LARGE1: variants seen among roughly 807,000 people sequenced by gnomAD.
LARGE1 encodes LARGE xylosyl- and glucuronyltransferase 1, also known as xylosyl- and glucuronyltransferase LARGE1.
A neutral mutation model predicts 87.6 loss-of-function variants in LARGE1; 43 were observed. That is an observed-to-expected ratio of 0.49 (90% CI 0.38 to 0.63). The LOEUF is 0.63. LARGE1 is among the 30% of genes least tolerant of loss of function. The pLI, the probability that LARGE1 is intolerant of heterozygous loss-of-function variation, is 0.00. For synonymous variants in LARGE1, 434 were observed against 394.6 expected (o/e 1.10, Z -1.18); for missense variants, 802 against 1,000.2 (o/e 0.80, Z 2.67).
At chr22:33,290,627 G>C (rs1214904899) in intron 12 of LARGE1, among the ~76,000 whole-genome samples, 1 of 152,200 alleles carries the variant, frequency 6.6e-6, no homozygotes, top group African/African-American at 2.4e-5. Context: ...AATGAGATGA[G>C]AGCTGGGGGC....
At chr22:33,767,896 A>T (rs2145789026) in intron 1 of LARGE1, among the ~76,000 whole-genome samples, 1 of 152,234 alleles carries the variant, frequency 6.6e-6, no homozygotes, top group East Asian at 1.9e-4. Context: ...TTCTAACTAG[A>T]AGATTGCCTG....
intron 5 of LARGE1, among the ~76,000 whole-genome samples, chr22:33,585,436 T>G (rs528480150): frequency 6.6e-6 from 1 of 152,124 alleles, no homozygotes; most frequent in Admixed American, 6.5e-5. Flanking sequence ...TGAGACACCA[T>G]CTTGGCCAAT....
chr22:33,174,874 C>T (rs775944867), intron 11 of LARGE1, among the ~76,000 whole-genome samples: 4 of 150,728 alleles, frequency 2.7e-5, no homozygotes, highest in African/African-American at 7.3e-5. Flanking sequence ...AAAAAATGTC[C>T]GGATTCACAG....
At chr22:33,515,634 C>T (rs1201520666) in intron 6 of LARGE1, among the ~76,000 whole-genome samples, 3 of 152,094 alleles carry the variant, frequency 2.0e-5, no homozygotes, top group African/African-American at 7.2e-5. Context: ...GAAAAGCTAC[C>T]CCAGAAACCC....
At position 33,277,189 on chromosome 22, in the gene LARGE1, A is replaced by G; in HGVS notation, c.1944T>C (p.Pro648=). 6.2e-7 allele frequency: 1 copy of G among 1,614,226 alleles called. No homozygotes were observed. The highest frequency in any genetic ancestry group is 8.5e-7 in the Non-Finnish European group (1 of 1,180,042). Residue 648 remains proline, a synonymous_variant, in exon 14 of 15, where the codon CCT becomes CCC. Coordinates refer to ENST00000397394, the MANE Select transcript of LARGE1 (RefSeq NM_133642.5). The part of the protein sequence containing the change: ...NFAKWRTATT[P]YRVEWEADFE... ...AATCGGCCTCCCACTCAACCCGGTA[A>G]GGCGTGGTGGCGGTCCGCCACTTGG...
intron 2 of LARGE1, among the ~76,000 whole-genome samples, chr22:33,669,005 A>C (rs1044797213): frequency 2.0e-5 from 3 of 152,196 alleles, no homozygotes; most frequent in African/African-American, 4.8e-5. Flanking sequence ...CATTTCAGCC[A>C]ACCTTGAGTC....
At position 33,334,114 on chromosome 22, in the gene LARGE1, T is replaced by C. The variant is rs75497629; in HGVS notation, c.1287+3532A>G. Among the ~76,000 whole-genome samples the C allele has an allele frequency of 7.0e-5, 10 of 143,824 alleles. No individual in the cohort carries two copies. In the East Asian group the frequency reaches 1.9e-3, roughly 28 times the overall value. 94.4% of individuals were successfully genotyped at this position (143,824 alleles called of 152,430 possible). On this transcript the variant is annotated intron_variant, in intron 10 of 14. Transcript: ENST00000397394. ...CTCCAGCTGGGGCGACAGTGCGAGATTCCGTCTCAAAAAAAAAGCCAGGCG... is the reference window on the plus strand; with the variant it reads ...CTCCAGCTGGGGCGACAGTGCGAGACTCCGTCTCAAAAAAAAAGCCAGGCG...
At chr22:33,717,011 T>C (rs1442389286) in intron 2 of LARGE1, among the ~76,000 whole-genome samples, 1 of 152,222 alleles carries the variant, frequency 6.6e-6, no homozygotes, top group Non-Finnish European at 1.5e-5. Context: ...TGTTTTTTGT[T>C]GTTATTGGAA....
chr22:33,776,587 G>T (rs537965572), intron 1 of LARGE1, among the ~76,000 whole-genome samples: 2 of 152,080 alleles, frequency 1.3e-5, no homozygotes, highest in African/African-American at 4.8e-5. Flanking sequence ...GGAGTATTTC[G>T]ATCTTTGTTC....
intron 10 of LARGE1, among the ~76,000 whole-genome samples, chr22:33,323,678 T>C (rs771414595): frequency 1.4e-4 from 22 of 152,216 alleles, no homozygotes; most frequent in Non-Finnish European, 2.8e-4. Flanking sequence ...CATTATAATG[T>C]TAACAAAGAT....
intron 7 of LARGE1, among the ~76,000 whole-genome samples, chr22:33,408,272 C>T (rs1008693560): frequency 2.0e-5 from 3 of 152,088 alleles, no homozygotes; most frequent in African/African-American, 4.8e-5. Flanking sequence ...GCTTGAGCCA[C>T]AAAGCCCAGC....
intron 5 of LARGE1, among the ~76,000 whole-genome samples, chr22:33,566,653 GC>G (rs1459344519): frequency 6.6e-6 from 1 of 152,218 alleles, no homozygotes; most frequent in African/African-American, 2.4e-5. Flanking sequence ...GGATGCCGCT[GC>G]TGGCTGGGGT....
chr22:33,576,146 A>G (rs2078345907), intron 5 of LARGE1, among the ~76,000 whole-genome samples: 1 of 152,226 alleles, frequency 6.6e-6, no homozygotes, highest in Non-Finnish European at 1.5e-5. Flanking sequence ...ATTACCGTGC[A>G]CAGTATGTAT....
intron 6 of LARGE1, among the ~76,000 whole-genome samples, chr22:33,486,492 G>T (rs2069579957): frequency 2.0e-5 from 3 of 152,002 alleles, no homozygotes; most frequent in African/African-American, 7.3e-5. Context: ...TGGCATGGCA[G>T]AGTCAGCAGG....
chr22:33,473,338 CT>C lies in LARGE1; in HGVS notation c.788-41074del, dbSNP rs533827383. ...CACCCACCACCATGCCCGGGTAGTT[CT>C]TTTTATTTTTTATTTTTTTTATTTT... is the stretch of plus-strand genomic sequence containing the variant. On this transcript the variant is annotated intron_variant, in intron 6 of 14. Transcript: ENST00000397394. Among the ~76,000 whole-genome samples the C allele has an allele frequency of 4.5e-3, 679 of 151,726 alleles. 3 individuals carry two copies. Among genetic ancestry groups the C allele is most frequent in the African/African-American group, 0.015 (640 of 41,412 alleles).
exon 12 of LARGE1, chr22:33,163,718 C>T (rs940169518): frequency 6.6e-6 from 1 of 152,142 alleles, no homozygotes; most frequent in African/African-American, 2.4e-5. Flanking sequence ...GCATAGCTCT[C>T]ATGGAAAAAG....
At chr22:33,070,059 T>A in the LARGE1 span, among the ~76,000 whole-genome samples, 1 of 152,174 alleles carries the variant, frequency 6.6e-6, no homozygotes, top group Non-Finnish European at 1.5e-5. Flanking sequence ...CGACCTCAGG[T>A]GATCCACCCG....
chr22:33,740,263 A>T (rs1302573720), intron 2 of LARGE1, among the ~76,000 whole-genome samples: 1 of 152,136 alleles, frequency 6.6e-6, no homozygotes, highest in Admixed American at 6.5e-5. Context: ...CCAGATACTT[A>T]GGTGCCCCTT....
chr22:33,469,411 G>A (rs768192224), intron 6 of LARGE1, among the ~76,000 whole-genome samples: 8 of 151,902 alleles, frequency 5.3e-5, no homozygotes, highest in Admixed American at 2.6e-4. Context: ...TGCCATTATC[G>A]TAAACACACT....
Sources: allele counts gnomAD v4.1 joint callset (sites outside exome capture counted in the v4.1 genomes callset), GRCh38; gene constraint gnomAD v4.1.1; transcripts MANE v1.5; gene names NCBI Gene and HGNC (gene_info 2026-07-23, HGNC 2026-07-21).